ART3: variants seen among roughly 807,000 people sequenced by gnomAD.
ART3 encodes ADP-ribosyltransferase 3 (inactive).
In ART3, 49 loss-of-function variants were observed where a neutral mutation model predicts 48.5. That is an observed-to-expected ratio of 1.01 (90% CI 0.80 to 1.28). ART3 has a LOEUF of 1.28. Among genes scored for constraint, ART3 ranks in the 50% most tolerant of loss-of-function variants. ART3 has a pLI of 0.00. For missense variants in ART3, 438 were observed against 454.3 expected (o/e 0.96, Z 0.33); for synonymous variants, 145 against 157.2 (o/e 0.92, Z 0.58).
At chr4:76,023,464 C>T in intron 1 of ART3, 1 of 1,592,980 alleles carries the variant, frequency 6.3e-7, no homozygotes, top group Non-Finnish European at 8.6e-7. Flanking sequence ...CTGCTGTAGG[C>T]TCAGAATATG....
intron 1 of ART3, chr4:76,022,590 C>A (rs1732959412): frequency 6.8e-7 from 1 of 1,476,332 alleles, no homozygotes; most frequent in Non-Finnish European, 9.2e-7. Flanking sequence ...GTTTTAGAAT[C>A]ATCACAAACC....
At chr4:76,069,726 G>A (rs1255109923), upstream of ART3, among the ~76,000 whole-genome samples, 3 of 151,966 alleles carry the variant, frequency 2.0e-5, no homozygotes, top group African/African-American at 7.2e-5. Flanking sequence ...ATTCCAGTGT[G>A]TGGGTATATC....
chr4:76,035,787 C>A, intron 1 of ART3: 1 of 698,868 alleles, frequency 1.4e-6, no homozygotes, highest in Non-Finnish European at 2.4e-6. Flanking sequence ...TCCACCATTT[C>A]TGTGCTAAAG....
At chr4:76,095,113 C>T (rs1254785698) in intron 3 of ART3, among the ~76,000 whole-genome samples, 5 of 152,084 alleles carry the variant, frequency 3.3e-5, no homozygotes, top group Admixed American at 6.5e-5. Context: ...TTTAGAAACT[C>T]AAAATAGTTT....
At chr4:76,026,185 T>C in intron 1 of ART3, among the ~76,000 whole-genome samples, 1 of 152,030 alleles carries the variant, frequency 6.6e-6, no homozygotes, top group East Asian at 1.9e-4. Context: ...GAGTTCCTTC[T>C]GGACATTTAA....
intron 3 of ART3, among the ~76,000 whole-genome samples, chr4:76,086,065 C>T (rs77433776): frequency 2.2e-4 from 34 of 151,298 alleles, no homozygotes; most frequent in African/African-American, 5.8e-4. Flanking sequence ...AGAGTCCCCC[C>T]CCCCGCTCCC....
intron 1 of ART3, among the ~76,000 whole-genome samples, chr4:76,052,141 G>A (rs1020872928): frequency 6.6e-6 from 1 of 151,988 alleles, no homozygotes; most frequent in African/African-American, 2.4e-5. Context: ...AGCACTTTGG[G>A]AGGCTGAGGT....
At chr4:76,108,797 C>G (rs1371243365) in intron 11 of ART3, among the ~76,000 whole-genome samples, 1 of 152,186 alleles carries the variant, frequency 6.6e-6, no homozygotes, top group Non-Finnish European at 1.5e-5. Context: ...GCCTACTGCT[C>G]CTAGGCTATA....
At chr4:76,037,162 A>T (rs7698149) in intron 1 of ART3, 48,388 of 152,552 alleles carry the variant, frequency 0.32, 8,770 homozygotes, top group African/African-American at 0.47. Context: ...TGTATTAGGG[A>T]TCATAAAAAA....
At chr4:76,047,806 C>T (rs1383464941) in intron 1 of ART3, among the ~76,000 whole-genome samples, 2 of 151,906 alleles carry the variant, frequency 1.3e-5, no homozygotes, top group African/African-American at 4.8e-5. Context: ...CATTAAAGGC[C>T]AGGGTTTGAT....
At chr4:76,017,504 C>T (rs933111518) in intron 1 of ART3, among the ~76,000 whole-genome samples, 1 of 151,822 alleles carries the variant, frequency 6.6e-6, no homozygotes, top group Admixed American at 6.6e-5. Context: ...AGGAAGGAGT[C>T]GCTTTTATTG....
At chr4:76,086,861 C>T (rs1723702987) in intron 3 of ART3, among the ~76,000 whole-genome samples, 1 of 152,166 alleles carries the variant, frequency 6.6e-6, no homozygotes. Context: ...TTCCTGCTCC[C>T]CCTATGTGAC....
intron 6 of ART3, 148 bp from the exon 7 acceptor site, chr4:76,100,647 A>T (rs1031694697): frequency 1.3e-4 from 129 of 958,232 alleles, no homozygotes; most frequent in Non-Finnish European, 1.8e-4. Context: ...AAAAAAAAAA[A>T]ATTCTGGGGG....
At chr4:76,026,662 G>A (rs1419402175) in intron 1 of ART3, among the ~76,000 whole-genome samples, 1 of 151,060 alleles carries the variant, frequency 6.6e-6, no homozygotes, top group African/African-American at 2.4e-5. Context: ...GGTAAATATA[G>A]AGTGGTACCC....
chr4:76,088,630 G>T (rs992750644), intron 3 of ART3, among the ~76,000 whole-genome samples: 1 of 152,120 alleles, frequency 6.6e-6, no homozygotes, highest in Admixed American at 6.5e-5. Context: ...TTTCCTGGGA[G>T]TAGCAAAGTT....
chr4:76,047,444 T>C (rs1353925542), intron 1 of ART3, among the ~76,000 whole-genome samples: 3 of 151,962 alleles, frequency 2.0e-5, no homozygotes. Context: ...GGTAATAAAC[T>C]TACCCCCGAG....
intron 11 of ART3, among the ~76,000 whole-genome samples, chr4:76,108,201 A>G (rs1728834809): frequency 6.6e-6 from 1 of 152,112 alleles, no homozygotes; most frequent in Non-Finnish European, 1.5e-5. Flanking sequence ...ATGCATTTGT[A>G]CCCATAAAAA....
chr4:76,106,041 G>T, intron 10 of ART3: 1 of 985,278 alleles, frequency 1.0e-6, no homozygotes, highest in Non-Finnish European at 1.2e-6. Flanking sequence ...CTTTTTAAAA[G>T]GTGATGTGAA....
intron 1 of ART3, among the ~76,000 whole-genome samples, chr4:76,011,699 G>A (rs573567509): frequency 1.3e-5 from 2 of 152,356 alleles, no homozygotes; most frequent in East Asian, 3.9e-4. Flanking sequence ...TCTCTCGCCT[G>A]ACCCTACTTC....
Sources: gnomAD v4.1 joint callset for allele counts (sites outside exome capture counted in the v4.1 genomes callset) on GRCh38, gnomAD v4.1.1 for gene constraint, MANE v1.5 for transcripts, NCBI Gene and HGNC (gene_info 2026-07-23, HGNC 2026-07-21) for gene names.